PDE4B: variants seen among roughly 807,000 people sequenced by gnomAD.
PDE4B encodes 3',5'-cyclic-AMP phosphodiesterase 4B.
In PDE4B, 20 loss-of-function variants were observed where a neutral mutation model predicts 82.2. The ratio of observed to expected loss-of-function variants is 0.24; its 90% CI spans 0.17 to 0.35. The LOEUF (loss-of-function observed/expected upper bound fraction) is 0.35, where lower values mean the gene tolerates loss of function less well. Ranked by LOEUF, PDE4B falls within the 10% of genes least tolerant of loss-of-function variation. The pLI is 1.00. For synonymous variants in PDE4B, 320 were observed against 318.9 expected, an observed-to-expected ratio of 1.00 and a Z score of -0.04; for missense variants, 655 against 907.2, an observed-to-expected ratio of 0.72 and a Z score of 3.57.
chr1:66,332,334 C>A, intron 7 of PDE4B, 174 bp from the exon 8 acceptor site: 1 of 1,601,002 alleles, frequency 6.2e-7, no homozygotes, highest in South Asian at 1.1e-5. Context: ...CAGAGCACCA[C>A]TGTGATTTGT....
At chr1:65,995,615 C>T (rs1185744495) in intron 3 of PDE4B, among the ~76,000 whole-genome samples, 1 of 152,014 alleles carries the variant, frequency 6.6e-6, no homozygotes. Context: ...ATTTCATGTG[C>T]TTTTTTACAT....
Position 66,249,441 on chromosome 1 carries a change from C to T in PDE4B, c.476+1787C>T, listed in dbSNP as rs907850727. Among the ~76,000 whole-genome samples the T allele has an allele frequency of 3.9e-5, 6 of 152,152 alleles. 1 individual carries two copies. Among genetic ancestry groups the T allele is most frequent in the Admixed American group, 3.3e-4 (5 of 15,276 alleles). On this transcript the variant is annotated intron_variant, in intron 4 of 16. Transcript: ENST00000341517. ...GAAGAATCTCAAGGTCATTCAGAGT[C>T]GCCCCAGAAAACTCTACTGCACTTC...
intron 7 of PDE4B, among the ~76,000 whole-genome samples, chr1:66,314,943 C>A (rs1658926235): frequency 6.6e-6 from 1 of 152,204 alleles, no homozygotes; most frequent in African/African-American, 2.4e-5. Flanking sequence ...CCATGGTTTG[C>A]CCTTGCTGTT....
chr1:65,871,999 TAA>T (rs1309095132), intron 1 of PDE4B, among the ~76,000 whole-genome samples: 1 of 152,184 alleles, frequency 6.6e-6, no homozygotes, highest in Non-Finnish European at 1.5e-5. Flanking sequence ...TGTGTTTTTT[TAA>T]AGAGTAGGTG....
chr1:65,856,791 A>G (rs928098300), intron 1 of PDE4B, among the ~76,000 whole-genome samples: 1 of 152,150 alleles, frequency 6.6e-6, no homozygotes, highest in Non-Finnish European at 1.5e-5. Context: ...CTTACATTCC[A>G]ACCAACAGTC....
intron 7 of PDE4B, among the ~76,000 whole-genome samples, chr1:66,315,136 C>T (rs1406815253): frequency 1.3e-5 from 2 of 152,212 alleles, no homozygotes; most frequent in Non-Finnish European, 2.9e-5. Flanking sequence ...GATAACAAAT[C>T]TATCTCACAA....
intron 3 of PDE4B, among the ~76,000 whole-genome samples, chr1:66,206,260 C>A (rs922943546): frequency 6.6e-6 from 1 of 152,120 alleles, no homozygotes; most frequent in Non-Finnish European, 1.5e-5. Flanking sequence ...GAGTGATATT[C>A]AATTATGAGC....
At chr1:66,088,051 C>T (rs1051465730) in intron 3 of PDE4B, among the ~76,000 whole-genome samples, 15 of 151,846 alleles carry the variant, frequency 9.9e-5, no homozygotes, top group Non-Finnish European at 1.8e-4. Context: ...AAAAAGTTTA[C>T]GGCAATAATT....
chr1:65,865,542 A>G (rs1646501457), intron 1 of PDE4B, among the ~76,000 whole-genome samples: 1 of 151,954 alleles, frequency 6.6e-6, no homozygotes, highest in South Asian at 2.1e-4. Flanking sequence ...ACATGAGGTA[A>G]TCTCCTGATC....
intron 3 of PDE4B, among the ~76,000 whole-genome samples, chr1:65,941,429 G>A (rs568994423): frequency 6.6e-6 from 1 of 152,172 alleles, no homozygotes; most frequent in Non-Finnish European, 1.5e-5. Context: ...CTCTTGGGTT[G>A]GGAGAGCATG....
Position 65,916,757 on chromosome 1 carries a change from CAT to C in PDE4B, c.43-1839_43-1838del, listed in dbSNP as rs967223072. ...ATTTACACACATAGACACACACACACATGCACACACACATACACACACAACAT... is the reference window on the plus strand; with the variant it reads ...ATTTACACACATAGACACACACACACGCACACACACATACACACACAACAT... On this transcript the variant is annotated intron_variant, in intron 2 of 16. Coordinates refer to ENST00000341517, the MANE Select transcript of PDE4B (RefSeq NM_002600.4). Among the ~76,000 whole-genome samples the C allele has an allele frequency of 4.6e-5, 7 of 152,098 alleles. No homozygotes were observed. The East Asian group carries it at 1.4e-3, about 29-fold the overall frequency.
intron 3 of PDE4B, among the ~76,000 whole-genome samples, chr1:66,165,958 A>T (rs530802509): frequency 6.6e-6 from 1 of 152,128 alleles, no homozygotes; most frequent in Non-Finnish European, 1.5e-5. Context: ...AGGGGAAAAA[A>T]AAAAAAGAAA....
chr1:66,146,246 C>G (rs2101169114), intron 3 of PDE4B, among the ~76,000 whole-genome samples: 1 of 131,316 alleles, frequency 7.6e-6, no homozygotes, highest in Non-Finnish European at 1.5e-5. Context: ...TGCAGTGGCG[C>G]AATCTCTGCT....
At chr1:66,211,737 G>C (rs993437763) in intron 3 of PDE4B, among the ~76,000 whole-genome samples, 4 of 152,188 alleles carry the variant, frequency 2.6e-5, no homozygotes, top group Admixed American at 2.0e-4. Flanking sequence ...GACCAAGTTT[G>C]CGTAACTTTG....
At chr1:65,815,042 TTTATTTATTTATTTATTTATTTA>T (rs1645865383) in intron 1 of PDE4B, among the ~76,000 whole-genome samples, 1 of 146,910 alleles carries the variant, frequency 6.8e-6, no homozygotes, top group East Asian at 2.0e-4. Context: ...TATTTATTTA[TTTATTTATTTATTTATTTATTTA>T]TTATTATTAT....
chr1:66,372,078 A>G (rs1007150196), intron 16 of PDE4B, among the ~76,000 whole-genome samples: 10 of 152,206 alleles, frequency 6.6e-5, no homozygotes, highest in African/African-American at 2.4e-4. Flanking sequence ...AATAAGTCGT[A>G]GTTTCTGCCT....
At chr1:66,030,034 AG>A (rs1653676951) in intron 3 of PDE4B, among the ~76,000 whole-genome samples, 1 of 54,626 alleles carries the variant, frequency 1.8e-5, no homozygotes, top group Non-Finnish European at 3.4e-5. Context: ...TAATCTGTTG[AG>A]GGTTTTTTTT....
chr1:66,228,458 A>G (rs562375969), intron 3 of PDE4B, among the ~76,000 whole-genome samples: 29 of 152,100 alleles, frequency 1.9e-4, no homozygotes, highest in South Asian at 2.1e-4. Flanking sequence ...CCCCATCTCT[A>G]CTAAAAATAC....
chr1:65,880,345 T>C (rs1646695395), intron 1 of PDE4B, among the ~76,000 whole-genome samples: 1 of 152,244 alleles, frequency 6.6e-6, no homozygotes, highest in South Asian at 2.1e-4. Context: ...ATGCTTATGC[T>C]GGTCATGCTG....
Sources: gnomAD v4.1 joint callset for allele counts (sites outside exome capture counted in the v4.1 genomes callset) on GRCh38, gnomAD v4.1.1 for gene constraint, MANE v1.5 for transcripts, NCBI Gene and HGNC (gene_info 2026-07-23, HGNC 2026-07-21) for gene names.